The following DNAH12 variants were observed in gnomAD, a reference collection of about 807,000 sequenced individuals.
The protein encoded by DNAH12 is axonemal beta dynein heavy chain 12.
In DNAH12, 285 loss-of-function variants were observed where a neutral mutation model predicts 371.5. That is an observed-to-expected ratio of 0.77 (90% CI 0.70 to 0.85). The LOEUF (loss-of-function observed/expected upper bound fraction) is 0.85. DNAH12 is among the 40% of genes least tolerant of loss of function. DNAH12 has a pLI of 0.00. For missense variants in DNAH12, 3,611 were observed against 3,689.4 expected, an observed-to-expected ratio of 0.98 and a Z score of 0.55; for synonymous variants, 1,200 against 1,213.0, an observed-to-expected ratio of 0.99 and a Z score of 0.22.
intron 2 of DNAH12, chr3:57,531,030 C>T (rs1481236208): frequency 6.6e-6 from 1 of 152,342 alleles, no homozygotes; most frequent in African/African-American, 2.4e-5. Context: ...ATCTTTTAGT[C>T]TTTCTACTTA....
chr3:57,447,485 TA>T (rs973376285), intron 25 of DNAH12, among the ~76,000 whole-genome samples: 4 of 151,904 alleles, frequency 2.6e-5, no homozygotes, highest in African/African-American at 9.7e-5. Flanking sequence ...GTAAGGGGGG[TA>T]GGGGGAATAA....
At position 57,352,199 on chromosome 3, in the gene DNAH12, C is replaced by T. The variant is rs201738705; in HGVS notation, c.9560G>A (p.Arg3187His). Residue 3187 changes from arginine to histidine, a missense_variant, in exon 60 of 74, where the codon CGC (arginine) becomes CAC (histidine). Physicochemically the swap from Arg to His is conservative, Grantham distance 29. Coordinates refer to ENST00000495027, the MANE Select transcript of DNAH12 (RefSeq NM_001366028.2). ...GAAGTGGTCATTTAAATATCGTAGG[C>T]GCTTTTCCAAAATCTTGGATTTGTT... is the stretch of plus-strand genomic sequence containing the variant. Reference protein sequence around the residue: ...DSNKSKILEKRLRYLNDHFTY... With the variant: ...DSNKSKILEKHLRYLNDHFTY... The T allele has an allele frequency of 9.1e-5, 140 of 1,532,744 alleles. No individual in the cohort carries two copies. The highest frequency in any genetic ancestry group is 6.3e-4 in the South Asian group (49 of 78,380). The allele number at this position is 1,532,744 out of a possible 1,614,324, so 94.9% of individuals were successfully genotyped here. A position where few individuals can be genotyped will look rare whatever the true frequency, so the allele number is the denominator to read the frequency against.
Position 57,310,713 on chromosome 3 carries a change from T to C in DNAH12, c.10896+4A>G. On this transcript the variant is annotated splice_donor_region_variant and intron_variant, in intron 67 of 73. Transcript: ENST00000495027. The stretch of plus-strand genomic sequence containing the variant: ...TCTAACCTTATTTTTGGTGACATCA[T>C]TACCTTAATGAATTCAATGTAGTCC... The C allele has an allele frequency of 1.3e-6, 2 of 1,541,034 alleles. No individual in the cohort carries two copies. The highest frequency in any genetic ancestry group is 1.8e-6 in the Non-Finnish European group (2 of 1,138,164).
Position 57,420,919 on chromosome 3 carries a change from A to AAAG in DNAH12, c.5562+598_5562+599insCTT, listed in dbSNP as rs1264005477. Among the ~76,000 whole-genome samples, 24 of 151,808 alleles carry AAAG rather than the reference A, an allele frequency of 1.6e-4. 1 individual carries two copies. The Middle Eastern group carries it at 0.01, about 65-fold the overall frequency. ...GCAAGACTCCGTCTCAAAAAAAAAA[A>AAAG]AAAAAAAAAAAGAAAGAAATAAAGA... is the stretch of plus-strand genomic sequence containing the variant. On this transcript the variant is annotated intron_variant, in intron 36 of 73. Transcript: ENST00000495027.
At position 57,437,010 on chromosome 3, in the gene DNAH12, A is replaced by G; in HGVS notation, c.4596T>C (p.Pro1532=). Reference sequence around the variant, plus strand: ...TTATTTTTTCAAGAAAAAATTTAACAGGCTGAAGATTATGTACATTGCAGG... The same window carrying G: ...TTATTTTTTCAAGAAAAAATTTAACGGGCTGAAGATTATGTACATTGCAGG... The part of the protein sequence containing the change: ...HEACNVHNLQ[P]VKFFLEKIIQ... Residue 1532 remains proline (P), a synonymous_variant, in exon 30 of 74, where the codon CCT becomes CCC. Coordinates refer to ENST00000495027, the MANE Select transcript of DNAH12 (RefSeq NM_001366028.2). The G allele has an allele frequency of 6.6e-7, 1 of 1,511,684 alleles. No homozygotes were observed. Among genetic ancestry groups the G allele is most frequent in the Non-Finnish European group, 8.8e-7 (1 of 1,137,012 alleles). The allele number at this position is 1,511,684 out of a possible 1,614,324, so 93.6% of individuals were successfully genotyped here.
At chr3:57,453,133 A>C (rs1437387042) in intron 24 of DNAH12, 114 bp downstream of exon 24, 4 of 1,460,262 alleles carry the variant, frequency 2.7e-6, no homozygotes, top group African/African-American at 2.9e-5. Context: ...GCCAACTTAT[A>C]AAAAAGATTG....
At chr3:57,326,027 C>T (rs916121864) in intron 62 of DNAH12, among the ~76,000 whole-genome samples, 8 of 151,944 alleles carry the variant, frequency 5.3e-5, no homozygotes, top group East Asian at 3.9e-4. Context: ...TAAAAAGAAA[C>T]GAACAAAGCC....
chr3:57,400,137 A>C (rs2063826873), intron 43 of DNAH12, among the ~76,000 whole-genome samples: 2 of 152,158 alleles, frequency 1.3e-5, no homozygotes, highest in African/African-American at 4.8e-5. Flanking sequence ...AAAATACAAA[A>C]ATTAGCTAAG....
chr3:57,504,752 C>T (rs1343932759), intron 8 of DNAH12, among the ~76,000 whole-genome samples: 1 of 152,120 alleles, frequency 6.6e-6, no homozygotes, highest in Non-Finnish European at 1.5e-5. Context: ...TCTAATTATA[C>T]TCTTTTAGTT....
chr3:57,507,527 G>T (rs2067806716), intron 8 of DNAH12, 116 bp downstream of exon 8: 1 of 744,038 alleles, frequency 1.3e-6, no homozygotes, highest in Non-Finnish European at 1.9e-6. Flanking sequence ...TAAAATTACA[G>T]TAGAAATATT....
At chr3:57,361,481 C>T (rs2062935561) in intron 58 of DNAH12, among the ~76,000 whole-genome samples, 1 of 114,288 alleles carries the variant, frequency 8.7e-6, no homozygotes, top group African/African-American at 4.3e-5. Flanking sequence ...TCTCATTCAG[C>T]TCTGTTAGGT....
At chr3:57,532,371 T>C (rs2068880463) in intron 2 of DNAH12, among the ~76,000 whole-genome samples, 1 of 152,096 alleles carries the variant, frequency 6.6e-6, no homozygotes. Context: ...TGAGGTCATG[T>C]TTTTCTGGAT....
At chr3:57,304,529 C>T (rs529494215) in intron 69 of DNAH12, among the ~76,000 whole-genome samples, 2 of 152,290 alleles carry the variant, frequency 1.3e-5, no homozygotes, top group East Asian at 3.9e-4. Flanking sequence ...CAGTTCCTTT[C>T]CTTTTCTGGT....
chr3:57,463,133 G>C (rs568529404), intron 17 of DNAH12, among the ~76,000 whole-genome samples: 1 of 152,044 alleles, frequency 6.6e-6, no homozygotes, highest in African/African-American at 2.4e-5. Context: ...GAAGGGCCAG[G>C]CACAATGGTT....
At chr3:57,552,244 C>CAA in the DNAH12 span, among the ~76,000 whole-genome samples, 111 of 132,008 alleles carry the variant, frequency 8.4e-4, no homozygotes, top group East Asian at 2.5e-3. Context: ...GACTCCATCT[C>CAA]AAAAAAAAAA....
In DNAH12 at chr3:57,478,879, G is replaced by A. The variant is rs576078711; in HGVS notation, c.1650+4497C>T. On this transcript the variant is annotated intron_variant, in intron 13 of 73. Coordinates refer to ENST00000495027, the MANE Select transcript of DNAH12 (RefSeq NM_001366028.2). ...CTTTACAGACAAGCAAATGCTGAGA[G>A]ATTTTGTCACCACCAGGCCTGCCCT... 1.4e-4 allele frequency among the ~76,000 whole-genome samples: 22 copies of A among 152,222 alleles called. No individual in the cohort carries two copies. The South Asian group carries it at 2.3e-3, about 16-fold the overall frequency.
chr3:57,552,834 G>A, the DNAH12 span, among the ~76,000 whole-genome samples: 2 of 151,994 alleles, frequency 1.3e-5, no homozygotes, highest in African/African-American at 2.4e-5. Flanking sequence ...GAACTATTAT[G>A]TTGCCACTGC....
At chr3:57,329,014 G>A (rs981363777) in intron 62 of DNAH12, among the ~76,000 whole-genome samples, 7 of 146,720 alleles carry the variant, frequency 4.8e-5, no homozygotes, top group African/African-American at 1.0e-4. Context: ...GGGACGTGAA[G>A]GACCTCTTCA....
At chr3:57,549,832 C>G in the DNAH12 span, among the ~76,000 whole-genome samples, 5 of 151,864 alleles carry the variant, frequency 3.3e-5, no homozygotes, top group African/African-American at 1.2e-4. Flanking sequence ...CCATGTTGCC[C>G]AGGCTGGTCT....
Sources: gnomAD v4.1 joint callset for allele counts (sites outside exome capture counted in the v4.1 genomes callset) on GRCh38, gnomAD v4.1.1 for gene constraint, MANE v1.5 for transcripts, NCBI Gene and HGNC (gene_info 2026-07-23, HGNC 2026-07-21) for gene names.